CREB5: variants seen among roughly 807,000 people sequenced by gnomAD.
The protein encoded by CREB5 is cAMP responsive element binding protein 5.
A neutral mutation model predicts 57.1 loss-of-function variants in CREB5; 19 were observed. The observed-to-expected ratio is 0.33, with a 90% CI of 0.23 to 0.49. CREB5 has a LOEUF of 0.49. CREB5 is among the 20% of genes least tolerant of loss of function. The pLI is 0.99. For missense variants in CREB5, 579 were observed against 671.6 expected (o/e 0.86, Z 1.52); for synonymous variants, 238 against 238.3 (o/e 1.00, Z 0.01).
At chr7:28,590,449 G>A (rs1403979549) in intron 5 of CREB5, among the ~76,000 whole-genome samples, 3 of 146,278 alleles carry the variant, frequency 2.1e-5, no homozygotes, top group African/African-American at 7.6e-5. Context: ...AACACCACAT[G>A]TTCTCACTCA....
At chr7:28,526,993 G>T (rs1793477402) in intron 4 of CREB5, among the ~76,000 whole-genome samples, 1 of 152,174 alleles carries the variant, frequency 6.6e-6, no homozygotes, top group Non-Finnish European at 1.5e-5. Flanking sequence ...CCCTTATGAA[G>T]AGTGAAATAT....
chr7:28,458,340 T>C (rs1014009571), intron 1 of CREB5, among the ~76,000 whole-genome samples: 2 of 152,198 alleles, frequency 1.3e-5, no homozygotes, highest in African/African-American at 4.8e-5. Context: ...TGGTACAATT[T>C]CTAAAAAAGA....
At chr7:28,415,241 C>T (rs573045123) in intron 1 of CREB5, among the ~76,000 whole-genome samples, 20 of 152,214 alleles carry the variant, frequency 1.3e-4, no homozygotes, top group African/African-American at 3.6e-4. Context: ...TGGCTTTACA[C>T]GGATGGTAGG....
intron 2 of CREB5, among the ~76,000 whole-genome samples, chr7:28,492,327 C>T (rs888914891): frequency 1.3e-5 from 2 of 152,304 alleles, no homozygotes; most frequent in East Asian, 1.9e-4. Flanking sequence ...ACCGTTTCTT[C>T]GACATTATCT....
At chr7:28,463,465 A>G (rs1790434518) in intron 1 of CREB5, among the ~76,000 whole-genome samples, 1 of 152,210 alleles carries the variant, frequency 6.6e-6, no homozygotes, top group Admixed American at 6.5e-5. Flanking sequence ...TCTGCAAAGA[A>G]GAAAGCCGGG....
At chr7:28,663,730 TAATA>T (rs1799704841) in intron 5 of CREB5, among the ~76,000 whole-genome samples, 1 of 152,222 alleles carries the variant, frequency 6.6e-6, no homozygotes, top group African/African-American at 2.4e-5. Context: ...TTGTGATCTG[TAATA>T]GATAGAGAGA....
intron 5 of CREB5, among the ~76,000 whole-genome samples, chr7:28,677,031 G>A (rs1360642296): frequency 6.6e-6 from 1 of 152,058 alleles, no homozygotes; most frequent in African/African-American, 2.4e-5. Flanking sequence ...TCCTGTTTTG[G>A]AAAAGTCACT....
intron 5 of CREB5, among the ~76,000 whole-genome samples, chr7:28,649,510 C>A (rs1799042010): frequency 1.3e-5 from 2 of 152,160 alleles, no homozygotes; most frequent in Admixed American, 6.5e-5. Flanking sequence ...CTATCTGGCA[C>A]TTTACAAAAA....
intron 5 of CREB5, among the ~76,000 whole-genome samples, chr7:28,616,632 G>T (rs921268343): frequency 6.6e-6 from 1 of 152,070 alleles, no homozygotes; most frequent in Non-Finnish European, 1.5e-5. Flanking sequence ...ATTTCTCAGA[G>T]TTAGTGGACT....
chr7:28,360,898 C>T (rs1562674539), intron 1 of CREB5, among the ~76,000 whole-genome samples: 1 of 152,022 alleles, frequency 6.6e-6, no homozygotes, highest in Admixed American at 6.6e-5. Context: ...CTGGGGGAAG[C>T]TTTGTTTGAC....
chr7:28,353,775 G>A (rs1015894442), intron 1 of CREB5, among the ~76,000 whole-genome samples: 23 of 150,854 alleles, frequency 1.5e-4, no homozygotes, highest in Admixed American at 2.0e-4. Context: ...CCCAGGAGGC[G>A]GAGCTTGCAG....
intron 1 of CREB5, among the ~76,000 whole-genome samples, chr7:28,469,689 A>G (rs992067761): frequency 1.3e-5 from 2 of 152,230 alleles, no homozygotes; most frequent in South Asian, 2.1e-4. Flanking sequence ...TGGCAGTTAC[A>G]TAGCACTTAC....
chr7:28,449,325 G>A lies in CREB5; in HGVS notation c.3+36408G>A, dbSNP rs1039805553. On this transcript the variant is annotated intron_variant, in intron 1 of 10. Coordinates refer to ENST00000357727, the MANE Select transcript of CREB5 (RefSeq NM_182898.4). ...CTCTTAAGTCTCTGCCTTGAAAGAT[G>A]CAGATTCAGCTCAGTTGTCCTGTGC... Among the ~76,000 whole-genome samples the A allele has an allele frequency of 1.1e-4, 16 of 152,286 alleles. 1 individual carries two copies. Among genetic ancestry groups the A allele is most frequent in the Admixed American group, 9.1e-4 (14 of 15,308 alleles).
At chr7:28,654,491 A>G (rs770933069) in intron 5 of CREB5, among the ~76,000 whole-genome samples, 7 of 151,858 alleles carry the variant, frequency 4.6e-5, no homozygotes, top group Non-Finnish European at 8.8e-5. Context: ...GCATGCCAAC[A>G]TCATAGGCTA....
chr7:28,533,398 C>G (rs1177432020), intron 4 of CREB5, among the ~76,000 whole-genome samples: 1 of 152,128 alleles, frequency 6.6e-6, no homozygotes, highest in African/African-American at 2.4e-5. Context: ...TGTTCCGGGC[C>G]ATAAGACACA....
At chr7:28,764,564 G>C (rs940898440) in intron 7 of CREB5, among the ~76,000 whole-genome samples, 16 of 152,178 alleles carry the variant, frequency 1.1e-4, no homozygotes, top group African/African-American at 3.1e-4. Flanking sequence ...TTTGATTTCG[G>C]TGGGTTGAAA....
At chr7:28,559,348 G>A (rs1424905234) in intron 4 of CREB5, among the ~76,000 whole-genome samples, 1 of 152,118 alleles carries the variant, frequency 6.6e-6, no homozygotes, top group Non-Finnish European at 1.5e-5. Context: ...ACGGAGTCTG[G>A]CTGTCACCCA....
At chr7:28,551,828 T>G (rs1312568921) in intron 4 of CREB5, among the ~76,000 whole-genome samples, 3 of 148,656 alleles carry the variant, frequency 2.0e-5, no homozygotes, top group Admixed American at 6.6e-5. Context: ...GATTTTTCTT[T>G]CTTTCTTTCT....
chr7:28,581,976 C>A (rs531267855), intron 5 of CREB5, among the ~76,000 whole-genome samples: 10 of 152,258 alleles, frequency 6.6e-5, no homozygotes, highest in African/African-American at 2.2e-4. Context: ...TTGCTATTAC[C>A]CTTTGCACAA....
Sources: allele counts gnomAD v4.1 joint callset (sites outside exome capture counted in the v4.1 genomes callset), GRCh38; gene constraint gnomAD v4.1.1; transcripts MANE v1.5; gene names NCBI Gene and HGNC (gene_info 2026-07-23, HGNC 2026-07-21).